Variants in NDUFA11 observed in about 807,000 individuals in gnomAD.
The protein encoded by NDUFA11 is NADH dehydrogenase [ubiquinone] 1 alpha subcomplex subunit 11.
In NDUFA11, 14 loss-of-function variants were observed where a neutral mutation model predicts 11.3. The observed-to-expected ratio is 1.24, with a 90% CI of 0.82 to 1.94. The LOEUF (loss-of-function observed/expected upper bound fraction) is 1.94. NDUFA11 is among the 30% of genes most tolerant of loss of function. The probability of loss-of-function intolerance (pLI) is 0.00; values close to 1 mark genes in which losing one functional copy is unlikely to be tolerated. For missense variants in NDUFA11, 204 were observed against 200.3 expected, an observed-to-expected ratio of 1.02 and a Z score of -0.11; for synonymous variants, 87 against 85.6, an observed-to-expected ratio of 1.02 and a Z score of -0.09.
chr19:5,895,268 G>A (rs904967001), intron 3 of NDUFA11: 1 of 188,044 alleles, frequency 5.3e-6, no homozygotes. Context: ...GAGGAGCCCC[G>A]ACAGTGCCCC....
Position 5,896,601 on chromosome 19 carries a change from G to A in NDUFA11, c.191-26C>T, listed in dbSNP as rs888979491. 1.3e-6 allele frequency: 2 copies of A among 1,557,432 alleles called. No homozygotes were observed. Among genetic ancestry groups the A allele is most frequent in the Middle Eastern group, 2.1e-4 (1 of 4,832 alleles). On this transcript the variant is annotated intron_variant, in intron 2 of 3. Coordinates refer to ENST00000308961, the MANE Select transcript of NDUFA11 (RefSeq NM_175614.5). This position sits in a 1 kb window ranked among gnomAD's most constrained non-coding sequence, Gnocchi z 5.8. ...CTGCGGGGTAGACGGGAAGAGCAAG[G>A]GCCTCGAGACGGGCACAGCAGGAGC...
In NDUFA11 at chr19:5,894,722, G is replaced by T; in HGVS notation, c.*20C>A. 6.2e-7 allele frequency: 1 copy of T among 1,610,416 alleles called. No homozygotes were observed. ...TTCTGGACGCATTCTGCAGGCTGGA[G>T]GTCCCGGCAGGCACAGGGCTCACAC... On this transcript the variant is annotated 3_prime_UTR_variant, in exon 4 of 4. Coordinates refer to ENST00000308961, the MANE Select transcript of NDUFA11 (RefSeq NM_175614.5).
downstream of NDUFA11, chr19:5,891,829 G>A (rs1422773862): frequency 6.6e-6 from 1 of 152,628 alleles, no homozygotes; most frequent in Non-Finnish European, 1.5e-5. Flanking sequence ...AGCTCCCCAG[G>A]GAGGCTCTGC....
In NDUFA11 at chr19:5,903,768, C is replaced by T; in HGVS notation, c.-60G>A. 2.0e-6 allele frequency: 3 copies of T among 1,518,310 alleles called. No homozygotes were observed. Among genetic ancestry groups the T allele is most frequent in the Non-Finnish European group, 2.7e-6 (3 of 1,117,386 alleles). 94.1% of individuals were successfully genotyped at this position (1,518,310 alleles called of 1,614,324 possible). Reference sequence around the variant, plus strand: ...CCAGCTCGGGAAGCGCAAGGGCAGCCGCGGCTGGCTATCGCGAGACTTCTC... The same window carrying T: ...CCAGCTCGGGAAGCGCAAGGGCAGCTGCGGCTGGCTATCGCGAGACTTCTC... On this transcript the variant is annotated 5_prime_UTR_variant, in exon 1 of 4. Coordinates refer to ENST00000308961, the MANE Select transcript of NDUFA11 (RefSeq NM_175614.5).
At chr19:5,892,727 C>T (rs899957726), downstream of NDUFA11, 12 of 758,500 alleles carry the variant, frequency 1.6e-5, no homozygotes, top group South Asian at 7.3e-5. Flanking sequence ...CTGCCCCCTG[C>T]CGGCCGCAGT....
intron 1 of NDUFA11, among the ~76,000 whole-genome samples, chr19:5,900,379 G>A (rs765243786): frequency 1.1e-4 from 16 of 152,158 alleles, no homozygotes; most frequent in Admixed American, 5.2e-4. Flanking sequence ...CCCACAAGAT[G>A]CTTCATTCAT....
rs1226874837 is a variant in NDUFA11 at position 5,903,705 on chromosome 19, C to A, written c.4G>T (p.Ala2Ser). 3.2e-6 allele frequency: 5 copies of A among 1,551,514 alleles called. No individual in the cohort carries two copies. The highest frequency in any genetic ancestry group is 1.2e-5 in the South Asian group (1 of 84,070). Reference protein sequence around the residue: MAPKVFRQYWDI... With the variant: MSPKVFRQYWDI... ...CAGTACTGACGAAAAACCTTCGGCG[C>A]CATAGCCCGCAATCTCGATCCCGCA... Residue 2 changes from alanine to serine, a missense_variant, in exon 1 of 4, where the codon GCG (alanine) becomes TCG (serine). Ala to Ser is a moderately conservative substitution (Grantham distance 99). Transcript: ENST00000308961.
In NDUFA11 at chr19:5,896,377, G is replaced by A. The variant is rs1451817401; in HGVS notation, c.313+76C>T. ...TTCTTGTCCGGGATGGAACAGAGAG[G>A]GTGGAGGATGAGCAGAGGTCAGGGG... On this transcript the variant is annotated intron_variant, in intron 3 of 3. Coordinates refer to ENST00000308961, the MANE Select transcript of NDUFA11 (RefSeq NM_175614.5). The surrounding 1 kb of genome is among the most constrained non-coding windows in gnomAD (Gnocchi z 5.8). The A allele has an allele frequency of 2.1e-6, 3 of 1,442,638 alleles. No individual in the cohort carries two copies. The highest frequency in any genetic ancestry group is 1.3e-5 in the South Asian group (1 of 78,966). The allele number at this position is 1,442,638 out of a possible 1,614,324, so 89.4% of individuals were successfully genotyped here. A position where few individuals can be genotyped will look rare whatever the true frequency, so the allele number is the denominator to read the frequency against.
In NDUFA11 at chr19:5,896,542, CA is replaced by C; in HGVS notation, c.223del (p.Cys75AlafsTer14). On this transcript the variant is annotated frameshift_variant, in exon 3 of 4. Coordinates refer to ENST00000308961, the MANE Select transcript of NDUFA11 (RefSeq NM_175614.5). LOFTEE classifies it high-confidence loss of function. This position sits in a 1 kb window ranked among gnomAD's most constrained non-coding sequence, Gnocchi z 5.8. ...CTTCTCGCGGACATGGGCGCTGATG[CA>C]GGTGGTGAGGCCAAACACGGCCCCG... Reference protein sequence around the residue: ...AVGAVFGLTTCISAHVREKPD... With the variant: ...AVGAVFGLTTXISAHVREKPD... 6.4e-7 allele frequency: 1 copy of C among 1,568,992 alleles called. No individual in the cohort carries two copies. The highest frequency in any genetic ancestry group is 8.6e-7 in the Non-Finnish European group (1 of 1,157,580).
At chr19:5,892,244 G>A (rs1368008994), downstream of NDUFA11, 1 of 153,224 alleles carries the variant, frequency 6.5e-6, no homozygotes, top group African/African-American at 2.4e-5. Context: ...GGGCTGGGAG[G>A]TGCGAAGGGG....
intron 1 of NDUFA11, among the ~76,000 whole-genome samples, chr19:5,898,600 G>A (rs924102272): frequency 6.6e-5 from 10 of 152,154 alleles, no homozygotes; most frequent in Admixed American, 2.6e-4. Flanking sequence ...AGGACCAGGC[G>A]CAGTGGCTCA....
Position 5,896,885 on chromosome 19 carries a change from G to T in NDUFA11, c.190+20C>A. On this transcript the variant is annotated intron_variant, in intron 2 of 3. Coordinates refer to ENST00000308961, the MANE Select transcript of NDUFA11 (RefSeq NM_175614.5). The surrounding 1 kb of genome is among the most constrained non-coding windows in gnomAD (Gnocchi z 5.8). ...CTGTGCCAGGAGAGGGCCCAGCCAT[G>T]CCCAGCCCAGCGTGCTCACCTGCAG... 1 of 1,601,744 alleles carries T rather than the reference G, an allele frequency of 6.2e-7. No homozygotes were observed. The highest frequency in any genetic ancestry group is 8.6e-7 in the Non-Finnish European group (1 of 1,169,058).
chr19:5,900,906 G>T (rs536796576), intron 1 of NDUFA11, among the ~76,000 whole-genome samples: 12 of 134,388 alleles, frequency 8.9e-5, no homozygotes, highest in Non-Finnish European at 1.9e-4. Context: ...ATGAGACTCC[G>T]TCTCAAAAAA....
chr19:5,900,459 G>C (rs11882956), intron 1 of NDUFA11, among the ~76,000 whole-genome samples: 1 of 152,060 alleles, frequency 6.6e-6, no homozygotes, highest in East Asian at 1.9e-4. Flanking sequence ...TAGTCTCCCC[G>C]CCGTCCAGGG....
At position 5,903,758 on chromosome 19, in the gene NDUFA11, C is replaced by G. The variant is rs572481962; in HGVS notation, c.-50G>C. 1.1e-5 allele frequency: 17 copies of G among 1,533,196 alleles called. No individual in the cohort carries two copies. The highest frequency in any genetic ancestry group is 1.5e-5 in the Non-Finnish European group (17 of 1,131,008). The allele number at this position is 1,533,196 out of a possible 1,614,324, so 95.0% of individuals were successfully genotyped here. On this transcript the variant is annotated 5_prime_UTR_variant, in exon 1 of 4. Coordinates refer to ENST00000308961, the MANE Select transcript of NDUFA11 (RefSeq NM_175614.5). ...ACGGACCCCGCCAGCTCGGGAAGCG[C>G]AAGGGCAGCCGCGGCTGGCTATCGC... is the stretch of plus-strand genomic sequence containing the variant.
At chr19:5,897,075 TCTCC>T in intron 1 of NDUFA11, 78 bp from the exon 2 acceptor site, 1 of 1,121,214 alleles carries the variant, frequency 8.9e-7, no homozygotes, top group Non-Finnish European at 1.4e-6. Flanking sequence ...CACTGGGTGG[TCTCC>T]CTCCCTCAGT....
downstream of NDUFA11, chr19:5,893,301 T>A (rs1215415641): frequency 9.0e-7 from 1 of 1,112,946 alleles, no homozygotes; most frequent in Non-Finnish European, 1.3e-6. This position sits in a 1 kb window ranked among gnomAD's most constrained non-coding sequence, Gnocchi z 4.1. Context: ...CTACAAAAAA[T>A]AAAAATAAAA....
At chr19:5,898,265 C>T (rs1192764067) in intron 1 of NDUFA11, among the ~76,000 whole-genome samples, 1 of 152,184 alleles carries the variant, frequency 6.6e-6, no homozygotes, top group Non-Finnish European at 1.5e-5. Context: ...CCCCAGTTCC[C>T]CATCCAGCTT....
intron 1 of NDUFA11, among the ~76,000 whole-genome samples, chr19:5,897,867 C>A (rs1253689577): frequency 6.6e-6 from 1 of 152,212 alleles, no homozygotes; most frequent in Non-Finnish European, 1.5e-5. Flanking sequence ...AGAGCCCGCC[C>A]AGCTTCACCA....
Sources: gnomAD v4.1 joint callset for allele counts (sites outside exome capture counted in the v4.1 genomes callset) on GRCh38, gnomAD v4.1.1 for gene constraint, Gnocchi (gnomAD v3.1) non-coding constraint, MANE v1.5 for transcripts, NCBI Gene and HGNC (gene_info 2026-07-23, HGNC 2026-07-21) for gene names.